CACNA1C: variants seen among roughly 807,000 people sequenced by gnomAD.
CACNA1C encodes the protein voltage-dependent L-type calcium channel subunit alpha-1C.
Under a neutral mutation model 229.0 loss-of-function variants are expected in CACNA1C, and 30 were observed. The ratio of observed to expected loss-of-function variants is 0.13; its 90% CI spans 0.10 to 0.18. CACNA1C has a LOEUF of 0.18. Among genes scored for constraint, CACNA1C ranks in the 10% least tolerant of loss-of-function variants. The pLI, the probability that CACNA1C is intolerant of heterozygous loss-of-function variation, is 1.00. For synonymous variants in CACNA1C, 1,114 were observed against 1,132.5 expected (o/e 0.98, Z 0.33); for missense variants, 1,658 against 2,845.0 (o/e 0.58, Z 9.49).
chr12:2,295,355 C>A (rs1216236680), intron 3 of CACNA1C, among the ~76,000 whole-genome samples: 1 of 152,170 alleles, frequency 6.6e-6, no homozygotes, highest in African/African-American at 2.4e-5. Flanking sequence ...AGGTTTCATT[C>A]AAACCAAACT....
chr12:2,179,280 G>A (rs1159501595), intron 3 of CACNA1C, among the ~76,000 whole-genome samples: 2 of 152,226 alleles, frequency 1.3e-5, no homozygotes, highest in Admixed American at 1.3e-4. Flanking sequence ...TGGGAGTTCA[G>A]CACAGAAGTA....
chr12:2,086,791 C>T (rs948935858), intron 1 of CACNA1C, among the ~76,000 whole-genome samples: 2 of 152,188 alleles, frequency 1.3e-5, no homozygotes, highest in African/African-American at 4.8e-5. Context: ...TTCTCACTGG[C>T]CCGGCCTGGA....
intron 9 of CACNA1C, among the ~76,000 whole-genome samples, chr12:2,547,701 C>T (rs1337131638): frequency 6.6e-6 from 1 of 152,176 alleles, no homozygotes. Context: ...CTGTCCCCCT[C>T]AAAGCCACTG....
chr12:2,548,229 C>T (rs1396616872), intron 9 of CACNA1C, among the ~76,000 whole-genome samples: 3 of 152,098 alleles, frequency 2.0e-5, no homozygotes, highest in African/African-American at 7.2e-5. Flanking sequence ...CTCACCAGCC[C>T]CTCCAGACTT....
intron 18 of CACNA1C, 121 bp downstream of exon 18, chr12:2,586,025 T>C: frequency 1.8e-6 from 1 of 567,942 alleles, no homozygotes; most frequent in South Asian, 2.9e-5. Context: ...TGTAAGTACC[T>C]TCCACTGCTG....
chr12:2,053,154 G>A lies in CACNA1C; in HGVS notation c.-409G>A. 1.0e-6 allele frequency: 1 copy of A among 989,122 alleles called. No individual in the cohort carries two copies. Among genetic ancestry groups the A allele is most frequent in the Non-Finnish European group, 1.2e-6 (1 of 832,634 alleles). The allele number at this position is 989,122 out of a possible 1,614,324, so 61.3% of individuals were successfully genotyped here. A position where few individuals can be genotyped will look rare whatever the true frequency, so the allele number is the denominator to read the frequency against. ...CAGGGGCCTCAGGAGGACTCGCTGG[G>A]AGTGGGCAGAGGCGCCTCGGCCCCT... On this transcript the variant is annotated 5_prime_UTR_variant, in exon 1 of 47. Coordinates refer to ENST00000399655, the MANE Select transcript of CACNA1C (RefSeq NM_000719.7). This position sits in a 1 kb window ranked among gnomAD's most constrained non-coding sequence, Gnocchi z 5.8.
chr12:2,638,842 GCA>G (rs1341899909), intron 30 of CACNA1C, among the ~76,000 whole-genome samples: 4 of 152,186 alleles, frequency 2.6e-5, no homozygotes, highest in African/African-American at 9.7e-5. Flanking sequence ...AAATGCCAGA[GCA>G]CAGTTTTGAC....
intron 3 of CACNA1C, among the ~76,000 whole-genome samples, chr12:2,183,305 C>T (rs1187799526): frequency 6.6e-6 from 1 of 152,140 alleles, no homozygotes; most frequent in African/African-American, 2.4e-5. Flanking sequence ...GAGAACAGAG[C>T]TCCTTCGCCT....
chr12:2,193,719 T>C (rs746275776), intron 3 of CACNA1C, among the ~76,000 whole-genome samples: 79 of 152,252 alleles, frequency 5.2e-4, no homozygotes, highest in Non-Finnish European at 1.1e-3. Context: ...TTGACAGGTC[T>C]GTCTGGCCTC....
At chr12:2,162,647 G>C (rs1252362247) in intron 3 of CACNA1C, among the ~76,000 whole-genome samples, 1 of 152,038 alleles carries the variant, frequency 6.6e-6, no homozygotes, top group Non-Finnish European at 1.5e-5. Flanking sequence ...GAATAGCAGA[G>C]GGGTGAACAG....
intron 3 of CACNA1C, among the ~76,000 whole-genome samples, chr12:2,270,229 C>G (rs1484466514): frequency 6.6e-6 from 1 of 152,228 alleles, no homozygotes; most frequent in African/African-American, 2.4e-5. Context: ...CTATTACTGA[C>G]TCTTAAAGTA....
chr12:2,614,529 T>C (rs1194881920), intron 29 of CACNA1C: 2 of 152,204 alleles, frequency 1.3e-5, no homozygotes, highest in African/African-American at 2.4e-5. Context: ...CTGGAAAAAC[T>C]TGAAGCTCTG....
At position 2,633,873 on chromosome 12, in the gene CACNA1C, G is replaced by A. The variant is rs917200745; in HGVS notation, c.3829-424G>A. 1.3e-5 allele frequency among the ~76,000 whole-genome samples: 2 copies of A among 151,546 alleles called. No homozygotes were observed. Among genetic ancestry groups the A allele is most frequent in the Admixed American group, 6.6e-5 (1 of 15,254 alleles). On this transcript the variant is annotated intron_variant, in intron 29 of 46. Coordinates refer to ENST00000399655, the MANE Select transcript of CACNA1C (RefSeq NM_000719.7). The surrounding 1 kb of genome is among the most constrained non-coding windows in gnomAD (Gnocchi z 5.8). Reference sequence around the variant, plus strand: ...CATGCCTTTTATTGAACCTGCCGTCGTCCTGTGGGGGAAAAAAAGTGGGAG... The same window carrying A: ...CATGCCTTTTATTGAACCTGCCGTCATCCTGTGGGGGAAAAAAAGTGGGAG...
rs532583757 is a variant in CACNA1C at position 2,293,390 on chromosome 12, C to T, written c.478-155586C>T. On this transcript the variant is annotated intron_variant, in intron 3 of 46. Transcript: ENST00000399655. ...TGGAATAAACTAAATGTCCAGTGTG[C>T]GTAATTGGTGTTGCTATAATTAATA... Among the ~76,000 whole-genome samples, 14 of 152,298 alleles carry T rather than the reference C, an allele frequency of 9.2e-5. No individual in the cohort carries two copies. The South Asian group carries it at 1.5e-3, about 16-fold the overall frequency.
At chr12:2,200,897 T>C (rs910769219) in intron 3 of CACNA1C, among the ~76,000 whole-genome samples, 2 of 152,200 alleles carry the variant, frequency 1.3e-5, no homozygotes, top group African/African-American at 2.4e-5. Context: ...TTCTGAGGTT[T>C]AGGTTGGTTT....
At chr12:2,088,108 C>T (rs2154070144) in intron 1 of CACNA1C, among the ~76,000 whole-genome samples, 1 of 152,324 alleles carries the variant, frequency 6.6e-6, no homozygotes, top group South Asian at 2.1e-4. Flanking sequence ...ATTCATGTTT[C>T]TAACACGCTT....
At chr12:2,447,638 G>A (rs917730344) in intron 3 of CACNA1C, among the ~76,000 whole-genome samples, 1 of 152,220 alleles carries the variant, frequency 6.6e-6, no homozygotes, top group Non-Finnish European at 1.5e-5. Context: ...GGAGCCCAGG[G>A]TACTGATATG....
intron 3 of CACNA1C, among the ~76,000 whole-genome samples, chr12:2,244,311 T>C (rs1037869787): frequency 4.6e-5 from 7 of 152,234 alleles, no homozygotes; most frequent in Non-Finnish European, 1.0e-4. Context: ...AGCCCAGGAA[T>C]GCGGTGTTGA....
At chr12:2,462,657 G>A (rs1033833023) in intron 5 of CACNA1C, among the ~76,000 whole-genome samples, 3 of 152,186 alleles carry the variant, frequency 2.0e-5, no homozygotes, top group Non-Finnish European at 2.9e-5. Context: ...CACATCACAG[G>A]CCCTAAGAGC....
Sources: allele counts gnomAD v4.1 joint callset (sites outside exome capture counted in the v4.1 genomes callset), GRCh38; gene constraint gnomAD v4.1.1; non-coding constraint Gnocchi (gnomAD v3.1); transcripts MANE v1.5; gene names NCBI Gene and HGNC (gene_info 2026-07-23, HGNC 2026-07-21).